SPIC: variants seen among roughly 807,000 people sequenced by gnomAD.
The protein encoded by SPIC is Spi-C transcription factor.
A neutral mutation model predicts 16.7 loss-of-function variants in SPIC; 9 were observed. The ratio of observed to expected loss-of-function variants is 0.54; its 90% CI spans 0.33 to 0.94. The LOEUF (loss-of-function observed/expected upper bound fraction) is 0.94, where lower values mean the gene tolerates loss of function less well. SPIC is among the 40% of genes least tolerant of loss of function. The pLI, the probability that SPIC is intolerant of heterozygous loss-of-function variation, is 0.03. For synonymous variants in SPIC, 97 were observed against 102.9 expected (o/e 0.94, Z 0.35); for missense variants, 241 against 285.8 (o/e 0.84, Z 1.13).
At chr12:101,479,218 A>AAGAAAGAG (rs1873074283) in intron 3 of SPIC, among the ~76,000 whole-genome samples, 1 of 122,394 alleles carries the variant, frequency 8.2e-6, no homozygotes, top group Non-Finnish European at 1.8e-5. Context: ...GAAAGAAAGA[A>AAGAAAGAG]AGAAGGAAAG....
At chr12:101,477,532 C>G in intron 2 of SPIC, 26 bp from the exon 3 acceptor site, 1 of 1,605,146 alleles carries the variant, frequency 6.2e-7, no homozygotes, top group South Asian at 1.1e-5. Context: ...TTCGAAAACT[C>G]CAGAATTCTA....
intron 1 of SPIC, 102 bp from the exon 2 acceptor site, chr12:101,476,726 T>G: frequency 2.6e-6 from 1 of 384,808 alleles, no homozygotes; most frequent in Non-Finnish European, 4.7e-6. Context: ...TACTCTTGGT[T>G]TATGTAAGGT....
chr12:101,482,072 A>G (rs1196463377), intron 4 of SPIC, among the ~76,000 whole-genome samples: 3 of 146,870 alleles, frequency 2.0e-5, no homozygotes, highest in Admixed American at 6.8e-5. Context: ...GAGAAACCCC[A>G]TCTCTACTAA....
chr12:101,486,235 AC>A, intron 5 of SPIC, 108 bp from the exon 6 acceptor site: 1 of 1,088,196 alleles, frequency 9.2e-7, no homozygotes, highest in East Asian at 2.4e-5. Flanking sequence ...TGGGAGAAAA[AC>A]CAGTCTCGAT....
rs7485978 is a variant in SPIC, at chr12:101,479,288, G to A, written c.98-294G>A. On this transcript the variant is annotated intron_variant, in intron 3 of 5. Coordinates refer to ENST00000551346, the MANE Select transcript of SPIC (RefSeq NM_152323.3). ...AAAGAAAGAAAGAAAGAAAGAAAAAGAAAGAAAGAAAGAAAGAAAAAAGAA... is the reference window on the plus strand; with the variant it reads ...AAAGAAAGAAAGAAAGAAAGAAAAAAAAAGAAAGAAAGAAAGAAAAAAGAA... Among the ~76,000 whole-genome samples, 23 of 35,184 alleles carry A rather than the reference G, an allele frequency of 6.5e-4. 2 individuals carry two copies. The highest frequency in any genetic ancestry group is 3.7e-3 in the African/African-American group (20 of 5,398). The allele number at this position is 35,184 out of a possible 152,430, so 23.1% of individuals were successfully genotyped here.
At chr12:101,482,734 T>C in intron 4 of SPIC, 58 bp from the exon 5 acceptor site, 1 of 1,518,254 alleles carries the variant, frequency 6.6e-7, no homozygotes, top group East Asian at 2.3e-5. Flanking sequence ...GACTTCAGCC[T>C]ATAATAGGGG....
At chr12:101,478,003 A>C (rs1412958553) in intron 3 of SPIC, among the ~76,000 whole-genome samples, 2 of 151,818 alleles carry the variant, frequency 1.3e-5, no homozygotes, top group Non-Finnish European at 2.9e-5. Context: ...ATCAGAACAG[A>C]GAAGACCTTT....
intron 1 of SPIC, 92 bp from the exon 2 acceptor site, chr12:101,476,736 T>A: frequency 2.5e-6 from 1 of 404,768 alleles, no homozygotes; most frequent in Non-Finnish European, 4.4e-6. Context: ...TTATGTAAGG[T>A]ATTTTCAGAA....
chr12:101,482,699 T>C (rs989834518), intron 4 of SPIC, 93 bp from the exon 5 acceptor site: 3 of 1,219,434 alleles, frequency 2.5e-6, no homozygotes, highest in African/African-American at 3.0e-5. Context: ...TGGGAGACGC[T>C]TAGCCTCTTT....
chr12:101,482,497 C>T (rs1237597847), intron 4 of SPIC, among the ~76,000 whole-genome samples: 2 of 152,158 alleles, frequency 1.3e-5, no homozygotes, highest in African/African-American at 4.8e-5. Context: ...GGAATGGAAG[C>T]CCATCTTCCC....
At chr12:101,483,162 A>C (rs938530942) in intron 5 of SPIC, among the ~76,000 whole-genome samples, 16 of 148,108 alleles carry the variant, frequency 1.1e-4, no homozygotes, top group African/African-American at 3.7e-4. Context: ...GACTCAAGCC[A>C]TCCAAAGTGC....
At chr12:101,478,012 T>TTTTTTTC (rs1233153142) in intron 3 of SPIC, among the ~76,000 whole-genome samples, 1 of 151,768 alleles carries the variant, frequency 6.6e-6, no homozygotes, top group Non-Finnish European at 1.5e-5. Context: ...GAGAAGACCT[T>TTTTTTTC]TTTTTTCTTT....
At chr12:101,479,246 GAAAGAAAGAAGGAAGGAAAGAAA>G (rs1873086873) in intron 3 of SPIC, among the ~76,000 whole-genome samples, 1 of 85,718 alleles carries the variant, frequency 1.2e-5, no homozygotes, top group Non-Finnish European at 2.2e-5. Flanking sequence ...GAAAGAAAAA[GAAAGAAAGAAGGAAGGAAAGAAA>G]GAAAGAAAGA....
chr12:101,486,554 G>A lies in SPIC; in HGVS notation c.530G>A (p.Gly177Glu). 2 of 1,614,156 alleles carry A rather than the reference G, an allele frequency of 1.2e-6. No individual in the cohort carries two copies. The highest frequency in any genetic ancestry group is 1.7e-6 in the Non-Finnish European group (2 of 1,180,030). Residue 177 changes from glycine (G) to glutamate (E), a missense_variant, in exon 6 of 6, where the codon GGA (glycine) becomes GAA (glutamate). Gly to Glu is a moderately conservative substitution (Grantham distance 98). Transcript: ENST00000551346. Reference protein sequence around the residue: ...QKMARALRNYGRSGEITKIRR... With the variant: ...QKMARALRNYERSGEITKIRR... ...ATGGCCAGGGCACTCAGAAATTACGGAAGAAGTGGGGAAATTACCAAAATC... is the reference window on the plus strand; with the variant it reads ...ATGGCCAGGGCACTCAGAAATTACGAAAGAAGTGGGGAAATTACCAAAATC...
chr12:101,485,591 C>T (rs1483846183), intron 5 of SPIC, among the ~76,000 whole-genome samples: 1 of 152,152 alleles, frequency 6.6e-6, no homozygotes, highest in African/African-American at 2.4e-5. Flanking sequence ...CCTAGGTCTT[C>T]GGTATTAATT....
At chr12:101,482,643 C>T in intron 4 of SPIC, 149 bp from the exon 5 acceptor site, 3 of 692,866 alleles carry the variant, frequency 4.3e-6, no homozygotes, top group Non-Finnish European at 5.0e-6. Context: ...CTAGTGCTGC[C>T]CTGGGAGCTA....
intron 4 of SPIC, among the ~76,000 whole-genome samples, chr12:101,480,127 T>C (rs140016160): frequency 6.6e-6 from 1 of 152,314 alleles, no homozygotes; most frequent in African/African-American, 2.4e-5. Context: ...GAAAATGCTT[T>C]TTAAGGGCCA....
chr12:101,476,678 A>G (rs56139020), intron 1 of SPIC, 150 bp from the exon 2 acceptor site: 14,364 of 330,346 alleles, frequency 0.043, 423 homozygotes, highest in Non-Finnish European at 0.059. Flanking sequence ...AAAATTTCGT[A>G]GAAAAAAATT....
chr12:101,484,650 A>T (rs1873310457), intron 5 of SPIC, among the ~76,000 whole-genome samples: 1 of 151,630 alleles, frequency 6.6e-6, no homozygotes, highest in South Asian at 2.1e-4. Context: ...TCACTTTAAA[A>T]AATAATTATA....
Sources: gnomAD v4.1 joint callset for allele counts (sites outside exome capture counted in the v4.1 genomes callset) on GRCh38, gnomAD v4.1.1 for gene constraint, MANE v1.5 for transcripts, NCBI Gene and HGNC (gene_info 2026-07-23, HGNC 2026-07-21) for gene names.